PTPRK: variants seen among roughly 807,000 people sequenced by gnomAD.
The protein encoded by PTPRK is protein tyrosine phosphatase receptor type K, also known as receptor-type tyrosine-protein phosphatase kappa.
PTPRK carries 75 observed loss-of-function variants against 178.0 expected under a neutral mutation model. The ratio of observed to expected loss-of-function variants is 0.42; its 90% CI spans 0.35 to 0.51. The LOEUF (loss-of-function observed/expected upper bound fraction) is 0.51, where lower values mean the gene tolerates loss of function less well. Ranked by LOEUF, PTPRK falls within the 20% of genes least tolerant of loss-of-function variation. PTPRK has a pLI of 0.02. For synonymous variants in PTPRK, 637 were observed against 620.6 expected, an observed-to-expected ratio of 1.03 and a Z score of -0.39; for missense variants, 1,441 against 1,797.8, an observed-to-expected ratio of 0.80 and a Z score of 3.59.
At chr6:128,115,603 G>T (rs1791372044) in intron 7 of PTPRK, among the ~76,000 whole-genome samples, 1 of 152,028 alleles carries the variant, frequency 6.6e-6, no homozygotes, top group Non-Finnish European at 1.5e-5. Context: ...AAGTTTTATA[G>T]ATGCTTTTTT....
intron 1 of PTPRK, among the ~76,000 whole-genome samples, chr6:128,498,407 G>T (rs1380346265): frequency 2.6e-5 from 4 of 152,164 alleles, no homozygotes; most frequent in African/African-American, 9.7e-5. Flanking sequence ...ACCCATGGGG[G>T]AGACGTTTAC....
At chr6:128,184,193 G>A (rs1177420266) in intron 7 of PTPRK, among the ~76,000 whole-genome samples, 4 of 152,018 alleles carry the variant, frequency 2.6e-5, no homozygotes, top group Admixed American at 2.0e-4. Context: ...AAACTACCAT[G>A]CCAAAAAAGG....
chr6:128,458,434 T>C (rs963414582), intron 1 of PTPRK, among the ~76,000 whole-genome samples: 2 of 152,210 alleles, frequency 1.3e-5, no homozygotes, highest in African/African-American at 4.8e-5. Context: ...AAGATAACTC[T>C]ACACTAAAAA....
chr6:128,246,675 C>T (rs1815521823), intron 3 of PTPRK, among the ~76,000 whole-genome samples: 1 of 152,198 alleles, frequency 6.6e-6, no homozygotes, highest in Non-Finnish European at 1.5e-5. Flanking sequence ...ATGCTCAGGT[C>T]AGATCTAATG....
chr6:128,080,951 G>A (rs2114994384), intron 10 of PTPRK, among the ~76,000 whole-genome samples: 1 of 152,066 alleles, frequency 6.6e-6, no homozygotes, highest in African/African-American at 2.4e-5. Context: ...TCAGATGGAT[G>A]TTCTGGTCTT....
chr6:128,074,479 A>C (rs1783413206), intron 11 of PTPRK, among the ~76,000 whole-genome samples: 1 of 152,050 alleles, frequency 6.6e-6, no homozygotes, highest in Non-Finnish European at 1.5e-5. Flanking sequence ...ATTTACGAAG[A>C]AACCTTTTAG....
At chr6:128,131,813 C>T (rs1440093006) in intron 7 of PTPRK, among the ~76,000 whole-genome samples, 1 of 152,054 alleles carries the variant, frequency 6.6e-6, no homozygotes, top group East Asian at 1.9e-4. Flanking sequence ...CAAATTAGAG[C>T]CAATGAATGC....
intron 3 of PTPRK, among the ~76,000 whole-genome samples, chr6:128,320,240 A>G (rs911314196): frequency 1.3e-5 from 2 of 152,194 alleles, no homozygotes; most frequent in African/African-American, 2.4e-5. Flanking sequence ...AGTTCAAATT[A>G]CTGTAACTTA....
chr6:128,011,501 T>C (rs1303451477), intron 13 of PTPRK, among the ~76,000 whole-genome samples: 1 of 151,160 alleles, frequency 6.6e-6, no homozygotes, highest in Non-Finnish European at 1.5e-5. Flanking sequence ...TGCTACATTT[T>C]ACAAAAATCT....
At chr6:128,416,106 G>A (rs1842818818) in intron 1 of PTPRK, among the ~76,000 whole-genome samples, 1 of 152,054 alleles carries the variant, frequency 6.6e-6, no homozygotes, top group African/African-American at 2.4e-5. Flanking sequence ...CATAATTACA[G>A]TATGAGAAAT....
chr6:128,331,939 G>A (rs1584206855), intron 2 of PTPRK, among the ~76,000 whole-genome samples: 1 of 152,044 alleles, frequency 6.6e-6, no homozygotes, highest in East Asian at 1.9e-4. Flanking sequence ...TAGGTAGCCA[G>A]TTTACATTTG....
At chr6:128,122,559 G>A (rs113379570) in intron 7 of PTPRK, among the ~76,000 whole-genome samples, 3,904 of 152,150 alleles carry the variant, frequency 0.026, 74 homozygotes, top group Middle Eastern at 0.092. Context: ...TTCCATAGAA[G>A]GATTCAGAAT....
At chr6:128,042,997 C>A (rs1444760099) in intron 13 of PTPRK, among the ~76,000 whole-genome samples, 2 of 151,688 alleles carry the variant, frequency 1.3e-5, no homozygotes, top group East Asian at 1.9e-4. Flanking sequence ...TCACTTAATG[C>A]GACATTCCTA....
intron 8 of PTPRK, among the ~76,000 whole-genome samples, chr6:128,086,385 A>G (rs537943590): frequency 3.3e-5 from 5 of 152,290 alleles, no homozygotes; most frequent in Non-Finnish European, 7.4e-5. Flanking sequence ...GGAATAAAAA[A>G]TGAAAACAAA....
intron 2 of PTPRK, among the ~76,000 whole-genome samples, chr6:128,355,661 G>A (rs1357079037): frequency 6.6e-6 from 1 of 152,156 alleles, no homozygotes; most frequent in Non-Finnish European, 1.5e-5. Context: ...TGGGAGGACG[G>A]CGGAGGGATA....
At chr6:128,329,453 A>G (rs1829995480) in intron 2 of PTPRK, among the ~76,000 whole-genome samples, 1 of 150,962 alleles carries the variant, frequency 6.6e-6, no homozygotes, top group Non-Finnish European at 1.5e-5. Flanking sequence ...GAAGCTGAGA[A>G]GTCCAGACTC....
chr6:128,333,503 A>C (rs1025509695), intron 2 of PTPRK, among the ~76,000 whole-genome samples: 16 of 149,584 alleles, frequency 1.1e-4, no homozygotes, highest in Non-Finnish European at 1.6e-4. Flanking sequence ...GGTATATAAG[A>C]TATATAAAAT....
chr6:128,450,632 GGTA>G (rs1273982379), intron 1 of PTPRK, among the ~76,000 whole-genome samples: 1 of 152,096 alleles, frequency 6.6e-6, no homozygotes, highest in Non-Finnish European at 1.5e-5. Flanking sequence ...ACTCTTGGTT[GGTA>G]AAACTGTTGA....
At chr6:127,999,222 T>C (rs769825727) in intron 15 of PTPRK, among the ~76,000 whole-genome samples, 10 of 152,020 alleles carry the variant, frequency 6.6e-5, no homozygotes, top group Non-Finnish European at 1.0e-4. Flanking sequence ...GTCATAGCAG[T>C]ATAGAGTGGG....
Sources: gnomAD v4.1 joint callset for allele counts (sites outside exome capture counted in the v4.1 genomes callset) on GRCh38, gnomAD v4.1.1 for gene constraint, MANE v1.5 for transcripts, NCBI Gene and HGNC (gene_info 2026-07-23, HGNC 2026-07-21) for gene names.